WBP1L: variants seen among roughly 807,000 people sequenced by gnomAD.
The protein encoded by WBP1L is WW domain binding protein 1 like, also known as WW domain binding protein 1-like.
Under a neutral mutation model 33.7 loss-of-function variants are expected in WBP1L, and 17 were observed. The observed-to-expected ratio is 0.50, with a 90% CI of 0.34 to 0.76. WBP1L has a LOEUF of 0.76. Ranked by LOEUF, WBP1L falls within the 30% of genes least tolerant of loss-of-function variation. The pLI, the probability that WBP1L is intolerant of heterozygous loss-of-function variation, is 0.01. For missense variants in WBP1L, 389 were observed against 469.4 expected (o/e 0.83, Z 1.58); for synonymous variants, 173 against 190.8 (o/e 0.91, Z 0.77).
At chr10:102,772,237 C>T (rs973471009) in intron 1 of WBP1L, among the ~76,000 whole-genome samples, 10 of 140,514 alleles carry the variant, frequency 7.1e-5, no homozygotes, top group Admixed American at 3.9e-4. Flanking sequence ...GGATTACAAG[C>T]GTAAGCCACT....
intron 1 of WBP1L, among the ~76,000 whole-genome samples, chr10:102,761,080 G>GT (rs1843031519): frequency 7.0e-6 from 1 of 141,932 alleles, no homozygotes; most frequent in African/African-American, 2.6e-5. Context: ...AATTTTTTGT[G>GT]TTTTTTGGTA....
intron 1 of WBP1L, among the ~76,000 whole-genome samples, chr10:102,757,216 G>C (rs987613951): frequency 6.6e-6 from 1 of 152,034 alleles, no homozygotes; most frequent in Non-Finnish European, 1.5e-5. Context: ...ATAGAGACAG[G>C]GTCTTGCTAT....
chr10:102,771,599 G>C (rs2134038693), intron 1 of WBP1L, among the ~76,000 whole-genome samples: 1 of 152,052 alleles, frequency 6.6e-6, no homozygotes, highest in African/African-American at 2.4e-5. Context: ...GTTGAGGTCA[G>C]GAGTTCGAGA....
rs1843879451 is a variant in WBP1L, at chr10:102,813,402, A to T, written c.*71A>T. ...AGGGGAGAACCACGAGAGAAGCATT[A>T]AGTGACTTTCAAAGACTTTCAGAGT... On this transcript the variant is annotated 3_prime_UTR_variant, in exon 4 of 4. Coordinates refer to ENST00000448841, the MANE Select transcript of WBP1L (RefSeq NM_001083913.2). 3.0e-5 allele frequency: 45 copies of T among 1,509,898 alleles called. 1 individual carries two copies. The South Asian group carries it at 5.5e-4, about 18-fold the overall frequency. The allele number at this position is 1,509,898 out of a possible 1,614,324, so 93.5% of individuals were successfully genotyped here.
intron 2 of WBP1L, among the ~76,000 whole-genome samples, chr10:102,805,158 A>C (rs1843712464): frequency 6.6e-6 from 1 of 151,974 alleles, no homozygotes. Flanking sequence ...TGTGGTGTGC[A>C]CCTGTAGTCC....
intron 1 of WBP1L, among the ~76,000 whole-genome samples, chr10:102,780,336 G>C (rs1843319578): frequency 6.6e-6 from 1 of 152,164 alleles, no homozygotes; most frequent in South Asian, 2.1e-4. Flanking sequence ...AATTAGGCAT[G>C]CTATCCCTTT....
intron 2 of WBP1L, among the ~76,000 whole-genome samples, chr10:102,808,313 C>G (rs1472574458): frequency 2.0e-5 from 3 of 152,060 alleles, no homozygotes; most frequent in Non-Finnish European, 2.9e-5. Context: ...CTTTCCCCCT[C>G]GTGCGTATAT....
intron 1 of WBP1L, among the ~76,000 whole-genome samples, chr10:102,767,896 A>C (rs1389868872): frequency 1.3e-5 from 2 of 152,192 alleles, no homozygotes; most frequent in Non-Finnish European, 2.9e-5. Context: ...GTACATGTGT[A>C]GGGCCTTGAC....
At chr10:102,810,108 C>T in intron 3 of WBP1L, 54 bp downstream of exon 3, 2 of 1,554,586 alleles carry the variant, frequency 1.3e-6, no homozygotes, top group Non-Finnish European at 1.7e-6. Context: ...TGCACAGACC[C>T]AGGGCTCACA....
chr10:102,812,849 C>T lies in WBP1L; in HGVS notation c.610C>T (p.Pro204Ser). The T allele has an allele frequency of 6.3e-7, 1 of 1,575,880 alleles. No homozygotes were observed. Among genetic ancestry groups the T allele is most frequent in the Non-Finnish European group, 8.6e-7 (1 of 1,159,486 alleles). The change falls in exon 4 of 4, where the codon CCA (proline) becomes TCA (serine). Residue 204 changes from proline (P) to serine (S), a missense_variant. Coordinates refer to ENST00000448841, the MANE Select transcript of WBP1L (RefSeq NM_001083913.2). ...CGCTGACCCTGATCCCTCTGACCTA[C>T]CAGTTGACCGAGCAGCCACCAAAGC... The part of the protein sequence containing the change: ...SIADPDPSDL[P>S]VDRAATKAPG...
chr10:102,774,560 GTGTC>G (rs1233868531), intron 1 of WBP1L, among the ~76,000 whole-genome samples: 5 of 152,230 alleles, frequency 3.3e-5, no homozygotes, highest in African/African-American at 1.2e-4. Context: ...AACACGTTGT[GTGTC>G]TGGCTGGATT....
At chr10:102,755,223 A>T (rs1842962103) in intron 1 of WBP1L, among the ~76,000 whole-genome samples, 1 of 152,038 alleles carries the variant, frequency 6.6e-6, no homozygotes, top group Non-Finnish European at 1.5e-5. Flanking sequence ...CTGGGATTAC[A>T]GGTGTGAGCC....
chr10:102,789,493 A>G (rs1843465736), intron 1 of WBP1L, among the ~76,000 whole-genome samples: 1 of 152,146 alleles, frequency 6.6e-6, no homozygotes, highest in African/African-American at 2.4e-5. Context: ...GCTCTTTTTC[A>G]GCAGTCAGGG....
intron 2 of WBP1L, among the ~76,000 whole-genome samples, 167 bp from the exon 3 acceptor site, chr10:102,809,726 A>G (rs775091737): frequency 6.6e-5 from 10 of 152,182 alleles, no homozygotes; most frequent in Non-Finnish European, 1.2e-4. Context: ...TGGCACAAGC[A>G]TTTATGGAAA....
At chr10:102,768,365 T>TTTTTTG (rs1843139416) in intron 1 of WBP1L, among the ~76,000 whole-genome samples, 1 of 18,272 alleles carries the variant, frequency 5.5e-5, no homozygotes, top group African/African-American at 4.5e-4. Flanking sequence ...CTGGCATTAG[T>TTTTTTG]TTTTTGTTTT....
At chr10:102,807,771 AT>A (rs1483131034) in intron 2 of WBP1L, among the ~76,000 whole-genome samples, 2 of 151,856 alleles carry the variant, frequency 1.3e-5, no homozygotes, top group East Asian at 1.9e-4. Context: ...CAAAAATAAT[AT>A]TATGTGAGTA....
intron 1 of WBP1L, among the ~76,000 whole-genome samples, chr10:102,766,894 A>G (rs1026844160): frequency 6.6e-6 from 1 of 152,008 alleles, no homozygotes; most frequent in African/African-American, 2.4e-5. Context: ...GGTGTGATCT[A>G]CATCCCTCCT....
chr10:102,772,108 C>A lies in WBP1L; in HGVS notation c.91-25885C>A, dbSNP rs900300662. Among the ~76,000 whole-genome samples, 3 of 150,888 alleles carry A rather than the reference C, an allele frequency of 2.0e-5. No homozygotes were observed. In the South Asian group the frequency reaches 6.3e-4, roughly 32 times the overall value. On this transcript the variant is annotated intron_variant, in intron 1 of 3. Coordinates refer to ENST00000448841, the MANE Select transcript of WBP1L (RefSeq NM_001083913.2). ...CCAAGTAGCTGGAACTACAGGCGCC[C>A]GCCACCACGCTGGTTAATTTTTTGT... is the stretch of plus-strand genomic sequence containing the variant.
intron 2 of WBP1L, among the ~76,000 whole-genome samples, 162 bp downstream of exon 2, chr10:102,798,257 G>A (rs1032107540): frequency 2.6e-5 from 4 of 152,232 alleles, no homozygotes; most frequent in African/African-American, 9.6e-5. Context: ...TGTAGAGGAA[G>A]AGAGTTCTGG....
Sources: gnomAD v4.1 joint callset for allele counts (sites outside exome capture counted in the v4.1 genomes callset) on GRCh38, gnomAD v4.1.1 for gene constraint, MANE v1.5 for transcripts, NCBI Gene and HGNC (gene_info 2026-07-23, HGNC 2026-07-21) for gene names.